PRR14L: variants seen among roughly 807,000 people sequenced by gnomAD.
The protein encoded by PRR14L is proline rich 14 like.
A neutral mutation model predicts 155.0 loss-of-function variants in PRR14L; 80 were observed. The observed-to-expected ratio is 0.52, with a 90% CI of 0.43 to 0.62. The LOEUF is 0.62. PRR14L is among the 20% of genes least tolerant of loss of function. The probability of loss-of-function intolerance (pLI) is 0.00; values close to 1 mark genes in which losing one functional copy is unlikely to be tolerated. For missense variants in PRR14L, 2,469 were observed against 2,548.0 expected (o/e 0.97, Z 0.67); for synonymous variants, 883 against 916.0 (o/e 0.96, Z 0.65).
At chr22:31,700,802 C>T (rs1243333193) in intron 7 of PRR14L, among the ~76,000 whole-genome samples, 2 of 152,156 alleles carry the variant, frequency 1.3e-5, no homozygotes, top group Non-Finnish European at 2.9e-5. Flanking sequence ...GATCCACCCG[C>T]CTTGGCCTCC....
intron 7 of PRR14L, among the ~76,000 whole-genome samples, chr22:31,696,884 G>A (rs566949202): frequency 2.0e-5 from 3 of 152,232 alleles, no homozygotes; most frequent in Non-Finnish European, 4.4e-5. Flanking sequence ...GGAGGCCAAG[G>A]CGGGCAGATC....
chr22:31,697,573 A>G (rs769400244), intron 7 of PRR14L, among the ~76,000 whole-genome samples: 22 of 152,092 alleles, frequency 1.4e-4, no homozygotes, highest in South Asian at 4.1e-4. Context: ...GTTCCACTCA[A>G]CATATACATG....
intron 7 of PRR14L, among the ~76,000 whole-genome samples, chr22:31,698,057 A>AT (rs747410499): frequency 4.7e-4 from 47 of 100,066 alleles, no homozygotes; most frequent in Admixed American, 8.4e-4. Context: ...AGATGTTGTA[A>AT]TTCTTTTTTT....
chr22:31,713,362 G>A lies in PRR14L; in HGVS notation c.4477C>T (p.Arg1493Trp), dbSNP rs577725143. Reference sequence around the variant, plus strand: ...GCAGAGGAGGGGTCTTGTGCTTTCCGAGGGGCACCAAGAAGGCAAGGACTT... The same window carrying A: ...GCAGAGGAGGGGTCTTGTGCTTTCCAAGGGGCACCAAGAAGGCAAGGACTT... ...CTSPCLLGAP[R>W]KAQDPSSAGC... is the part of the protein sequence containing the mutation. The change falls in exon 4 of 9, where the codon CGG becomes TGG. Residue 1493 changes from arginine (R) to tryptophan (W), a missense_variant. This residue lies in a region of PRR14L where 2,363 missense variants were observed against 2,371.6 expected (regional missense o/e 1.00). Transcript: ENST00000327423. The A allele has an allele frequency of 2.7e-5, 42 of 1,552,090 alleles. No homozygotes were observed. The highest frequency in any genetic ancestry group is 5.9e-5 in the Admixed American group (3 of 50,990).
At chr22:31,719,252 G>GA (rs377568532) in intron 3 of PRR14L, among the ~76,000 whole-genome samples, 1,992 of 136,756 alleles carry the variant, frequency 0.015, 13 homozygotes, top group Middle Eastern at 0.038. Flanking sequence ...AAATTTAAAA[G>GA]AAAAAAAAAA....
At chr22:31,742,813 T>C (rs1191180336) in intron 1 of PRR14L, among the ~76,000 whole-genome samples, 1 of 152,134 alleles carries the variant, frequency 6.6e-6, no homozygotes, top group Non-Finnish European at 1.5e-5. Flanking sequence ...GTATAAGCAA[T>C]CCAAATATCC....
chr22:31,721,567 A>G (rs144107229), intron 3 of PRR14L, among the ~76,000 whole-genome samples: 8 of 151,966 alleles, frequency 5.3e-5, no homozygotes, highest in Non-Finnish European at 1.0e-4. Context: ...GACTCACAAA[A>G]AAAAAAAAAA....
chr22:31,732,988 CTTTT>C (rs131247), intron 2 of PRR14L, among the ~76,000 whole-genome samples: 4 of 140,780 alleles, frequency 2.8e-5, no homozygotes, highest in Admixed American at 1.4e-4. Context: ...AGAAGTGTAT[CTTTT>C]TTTTTTTTTT....
chr22:31,737,998 G>T (rs553791160), intron 2 of PRR14L, among the ~76,000 whole-genome samples: 3 of 151,034 alleles, frequency 2.0e-5, no homozygotes, highest in African/African-American at 7.3e-5. Context: ...CTGGGTGACA[G>T]AATGAGACCT....
At position 31,713,740 on chromosome 22, in the gene PRR14L, C is replaced by T. The variant is rs144157513; in HGVS notation, c.4099G>A (p.Asp1367Asn). The T allele has an allele frequency of 3.5e-5, 55 of 1,552,368 alleles. No individual in the cohort carries two copies. The highest frequency in any genetic ancestry group is 4.4e-5 in the Non-Finnish European group (50 of 1,147,154). Residue 1367 changes from aspartate (D) to asparagine (N), a missense_variant, in exon 4 of 9, where the codon GAT (aspartate) becomes AAT (asparagine). By Grantham distance (23) the Asp-to-Asn change is conservative. This residue lies in a region of PRR14L where 2,363 missense variants were observed against 2,371.6 expected (regional missense o/e 1.00). Coordinates refer to ENST00000327423, the MANE Select transcript of PRR14L (RefSeq NM_173566.3). ...GTCTGAGAGATGTTGCTCACGGGAT[C>T]GCCATCGCCAGTTTCTCTGGTAACC... ...ELVTRETGDG[D>N]PVSNISQTHF...
intron 4 of PRR14L, among the ~76,000 whole-genome samples, chr22:31,711,115 G>A (rs1018998937): frequency 3.9e-5 from 6 of 152,170 alleles, no homozygotes; most frequent in African/African-American, 1.4e-4. Flanking sequence ...GCGATTGTGT[G>A]TTACTATTTA....
Position 31,714,208 on chromosome 22 carries a change from C to G in PRR14L, c.3631G>C (p.Glu1211Gln), listed in dbSNP as rs1945919033. 1 of 1,551,472 alleles carries G rather than the reference C, an allele frequency of 6.4e-7. No individual in the cohort carries two copies. Among genetic ancestry groups the G allele is most frequent in the African/African-American group, 1.4e-5 (1 of 73,052 alleles). The part of the protein sequence containing the change: ...RLEPNSEFGK[E>Q]STFGISSKES... ...TTTGAGGAAATTCCAAAGGTACTTTCTTTGCCAAACTCAGAGTTTGGTTCT... is the reference window on the plus strand; with the variant it reads ...TTTGAGGAAATTCCAAAGGTACTTTGTTTGCCAAACTCAGAGTTTGGTTCT... The change falls in exon 4 of 9, where the codon GAA becomes CAA. Residue 1211 changes from glutamate (E) to glutamine (Q), a missense_variant. This residue lies in a region of PRR14L where 2,363 missense variants were observed against 2,371.6 expected (regional missense o/e 1.00). Transcript: ENST00000327423.
chr22:31,733,300 T>C (rs1982147223), intron 2 of PRR14L, among the ~76,000 whole-genome samples: 2 of 24,922 alleles, frequency 8.0e-5, no homozygotes, highest in Admixed American at 6.7e-4. Context: ...TGGCCACTGT[T>C]TTTTTTTTTT....
chr22:31,712,609 G>T lies in PRR14L; in HGVS notation c.5230C>A (p.Pro1744Thr). 6.4e-7 allele frequency: 1 copy of T among 1,551,726 alleles called. No homozygotes were observed. Among genetic ancestry groups the T allele is most frequent in the Non-Finnish European group, 8.7e-7 (1 of 1,146,992 alleles). Residue 1744 changes from proline to threonine, a missense_variant, in exon 4 of 9, where the codon CCG (proline) becomes ACG (threonine). Transcript: ENST00000327423. Reference protein sequence around the residue: ...SSRTFPEHCAPARLALGEALQ... With the variant: ...SSRTFPEHCATARLALGEALQ... ...GCCTCTCCTAAGGCAAGCCTTGCCGGAGCACAGTGCTCAGGAAAAGTCCTT... is the reference window on the plus strand; with the variant it reads ...GCCTCTCCTAAGGCAAGCCTTGCCGTAGCACAGTGCTCAGGAAAAGTCCTT...
intron 4 of PRR14L, among the ~76,000 whole-genome samples, chr22:31,709,457 C>T (rs569630425): frequency 1.1e-4 from 17 of 151,106 alleles, no homozygotes; most frequent in East Asian, 7.8e-4. Context: ...GGCTTCACCA[C>T]GTCGGTCAGG....
chr22:31,731,236 C>A (rs1368210151), intron 2 of PRR14L, among the ~76,000 whole-genome samples: 5 of 152,120 alleles, frequency 3.3e-5, no homozygotes, highest in African/African-American at 1.2e-4. Flanking sequence ...ATCGTATACA[C>A]TCAAGTATTT....
intron 7 of PRR14L, among the ~76,000 whole-genome samples, chr22:31,694,103 CCT>C (rs1168457357): frequency 9.2e-5 from 14 of 152,166 alleles, no homozygotes; most frequent in Non-Finnish European, 1.9e-4. Flanking sequence ...GTGGTGAAAC[CCT>C]GTTTCTACTA....
chr22:31,738,908 C>A lies in PRR14L; in HGVS notation c.-48G>T. 1 of 1,252,716 alleles carries A rather than the reference C, an allele frequency of 8.0e-7. No individual in the cohort carries two copies. Among genetic ancestry groups the A allele is most frequent in the South Asian group, 1.4e-5 (1 of 71,692 alleles). 77.6% of individuals were successfully genotyped at this position (1,252,716 alleles called of 1,614,324 possible). On this transcript the variant is annotated 5_prime_UTR_variant, in exon 2 of 9. Transcript: ENST00000327423. ...GTCAAGTCTTTTACATCAAATGATT[C>A]ACCCTGACACAAATCACAGGAAGGG... is the stretch of plus-strand genomic sequence containing the variant.
intron 1 of PRR14L, among the ~76,000 whole-genome samples, chr22:31,739,598 G>A (rs944578378): frequency 1.3e-5 from 2 of 152,130 alleles, no homozygotes. Flanking sequence ...ACAACCCTTT[G>A]AGCTAAGTAG....
Sources: allele counts gnomAD v4.1 joint callset (sites outside exome capture counted in the v4.1 genomes callset), GRCh38; gene constraint gnomAD v4.1.1; regional missense constraint gnomAD v4.1.1; transcripts MANE v1.5; gene names NCBI Gene and HGNC (gene_info 2026-07-23, HGNC 2026-07-21).